The following EML5 variants were observed in gnomAD, a reference collection of about 807,000 sequenced individuals.
EML5 encodes the protein EMAP like 5, also known as echinoderm microtubule-associated protein-like 5.
Under a neutral mutation model 250.0 loss-of-function variants are expected in EML5, and 120 were observed. The observed-to-expected ratio is 0.48, with a 90% CI of 0.41 to 0.56. The LOEUF (loss-of-function observed/expected upper bound fraction) is 0.56. Ranked by LOEUF, EML5 falls within the 20% of genes least tolerant of loss-of-function variation. The pLI is 0.00. For synonymous variants in EML5, 771 were observed against 806.5 expected (o/e 0.96, Z 0.75); for missense variants, 2,006 against 2,437.6 (o/e 0.82, Z 3.73).
chr14:88,788,019 G>A (rs1038646795), intron 1 of EML5, among the ~76,000 whole-genome samples: 36 of 152,132 alleles, frequency 2.4e-4, no homozygotes, highest in African/African-American at 8.7e-4. Context: ...GTGCGTTTGA[G>A]CAAAAGGCTA....
intron 1 of EML5, among the ~76,000 whole-genome samples, chr14:88,764,555 G>A (rs1472719724): frequency 6.6e-6 from 1 of 151,734 alleles, no homozygotes; most frequent in African/African-American, 2.4e-5. Context: ...CCAACTTTAG[G>A]TTTTTCTCTA....
intron 7 of EML5, among the ~76,000 whole-genome samples, chr14:88,731,663 G>C (rs1041881488): frequency 2.1e-4 from 32 of 152,198 alleles, no homozygotes; most frequent in African/African-American, 7.5e-4. Context: ...CACAATGGTT[G>C]AACCAGTTTA....
chr14:88,665,563 A>G (rs2092282031), intron 21 of EML5, 74 bp from the exon 22 acceptor site: 1 of 1,587,142 alleles, frequency 6.3e-7, no homozygotes, highest in African/African-American at 1.3e-5. Flanking sequence ...GTGGTGGCTC[A>G]TGCCTATAAT....
At chr14:88,686,162 G>GA (rs1205856267) in intron 19 of EML5, among the ~76,000 whole-genome samples, 2 of 152,010 alleles carry the variant, frequency 1.3e-5, no homozygotes, top group Non-Finnish European at 2.9e-5. Flanking sequence ...TTTGATATTT[G>GA]AAAAATAAGT....
chr14:88,727,477 CT>C (rs1407018482), intron 7 of EML5, among the ~76,000 whole-genome samples: 2 of 149,780 alleles, frequency 1.3e-5, no homozygotes, highest in Admixed American at 1.3e-4. Flanking sequence ...TCTCGGCTCA[CT>C]GCAACCTCCG....
At chr14:88,768,262 GT>G (rs1269983594) in intron 1 of EML5, among the ~76,000 whole-genome samples, 1 of 152,124 alleles carries the variant, frequency 6.6e-6, no homozygotes, top group East Asian at 1.9e-4. Flanking sequence ...ATACTACAAA[GT>G]TTTTCTTTGT....
At chr14:88,669,582 T>C (rs2092401754) in intron 21 of EML5, among the ~76,000 whole-genome samples, 1 of 152,064 alleles carries the variant, frequency 6.6e-6, no homozygotes, top group Non-Finnish European at 1.5e-5. Flanking sequence ...TGGACAGAAC[T>C]CTGATCTCCC....
chr14:88,649,980 G>C, intron 27 of EML5, 54 bp from the exon 28 acceptor site: 1 of 1,328,234 alleles, frequency 7.5e-7, no homozygotes, highest in Non-Finnish European at 1.0e-6. Flanking sequence ...AATTGATGAT[G>C]AATAGAATAC....
chr14:88,650,243 A>C (rs914758255), intron 27 of EML5, among the ~76,000 whole-genome samples: 3 of 152,196 alleles, frequency 2.0e-5, no homozygotes, highest in African/African-American at 4.8e-5. Flanking sequence ...ACTTGAGGTC[A>C]GGAGTTCGAG....
chr14:88,640,803 A>G (rs1293561702), intron 31 of EML5, among the ~76,000 whole-genome samples: 1 of 152,114 alleles, frequency 6.6e-6, no homozygotes, highest in African/African-American at 2.4e-5. Context: ...CAAGATCAAT[A>G]GACCACTAGT....
chr14:88,617,085 G>C (rs1017563846), intron 41 of EML5: 1 of 443,722 alleles, frequency 2.3e-6, no homozygotes, highest in Non-Finnish European at 4.0e-6. Context: ...TAATTTGAAG[G>C]GTTTCTAGAT....
chr14:88,772,636 C>T (rs553111154), intron 1 of EML5, among the ~76,000 whole-genome samples: 1 of 152,168 alleles, frequency 6.6e-6, no homozygotes, highest in South Asian at 2.1e-4. Context: ...GCCTGTAATC[C>T]CAGCTACTGG....
Position 88,658,285 on chromosome 14 carries a change from T to C in EML5, c.3779A>G (p.Asp1260Gly), listed in dbSNP as rs756461890. The C allele has an allele frequency of 1.2e-6, 2 of 1,613,744 alleles. No homozygotes were observed. Among genetic ancestry groups the C allele is most frequent in the African/African-American group, 1.3e-5 (1 of 74,908 alleles). ...DSMLVTLGGT[D>G]MSLMVWTNEM... Reference sequence around the variant, plus strand: ...ATTTGTCCACACCATTAAAGACATATCTGTACCGCCTAGGGTAACCAACAT... The same window carrying C: ...ATTTGTCCACACCATTAAAGACATACCTGTACCGCCTAGGGTAACCAACAT... The change falls in exon 26 of 44, where the codon GAT becomes GGT. Residue 1260 changes from aspartate to glycine, a missense_variant. Coordinates refer to ENST00000554922, the MANE Select transcript of EML5 (RefSeq NM_183387.3).
chr14:88,761,448 G>A (rs1031919160), intron 1 of EML5, among the ~76,000 whole-genome samples: 1 of 152,126 alleles, frequency 6.6e-6, no homozygotes, highest in Non-Finnish European at 1.5e-5. Context: ...AGAACATGTG[G>A]TGTTTGGTTT....
At chr14:88,788,455 T>C (rs759507183) in intron 1 of EML5, among the ~76,000 whole-genome samples, 4 of 152,046 alleles carry the variant, frequency 2.6e-5, no homozygotes, top group Non-Finnish European at 4.4e-5. Context: ...TGCAACCATA[T>C]AGTGTGGTAT....
intron 14 of EML5, among the ~76,000 whole-genome samples, chr14:88,701,904 G>A (rs1242222936): frequency 6.6e-6 from 1 of 152,094 alleles, no homozygotes; most frequent in Admixed American, 6.5e-5. Context: ...TTACACAAAG[G>A]AAGAATCTAT....
chr14:88,734,642 G>A (rs1284419022), intron 7 of EML5, among the ~76,000 whole-genome samples: 3 of 151,862 alleles, frequency 2.0e-5, no homozygotes, highest in Non-Finnish European at 2.9e-5. Context: ...TAGAAAAAAC[G>A]GAGACTACAC....
chr14:88,778,471 A>C (rs2094467344), intron 1 of EML5, among the ~76,000 whole-genome samples: 1 of 152,126 alleles, frequency 6.6e-6, no homozygotes, highest in Non-Finnish European at 1.5e-5. Context: ...CTGGACATAG[A>C]ACTGTGGAAG....
At chr14:88,724,751 A>G (rs1310551235) in intron 8 of EML5, among the ~76,000 whole-genome samples, 1 of 152,346 alleles carries the variant, frequency 6.6e-6, no homozygotes, top group East Asian at 1.9e-4. Flanking sequence ...ATTATTATTC[A>G]TAAGTAATGA....
Sources: gnomAD v4.1 joint callset for allele counts (sites outside exome capture counted in the v4.1 genomes callset) on GRCh38, gnomAD v4.1.1 for gene constraint, MANE v1.5 for transcripts, NCBI Gene and HGNC (gene_info 2026-07-23, HGNC 2026-07-21) for gene names.